The following DCLK1 variants were observed in gnomAD, a reference collection of about 807,000 sequenced individuals.
DCLK1 encodes doublecortin like kinase 1.
Under a neutral mutation model 86.2 loss-of-function variants are expected in DCLK1, and 16 were observed. That is an observed-to-expected ratio of 0.19 (90% CI 0.13 to 0.28). The LOEUF is 0.28. Ranked by LOEUF, DCLK1 falls within the 10% of genes least tolerant of loss-of-function variation. The pLI, the probability that DCLK1 is intolerant of heterozygous loss-of-function variation, is 1.00. For missense variants in DCLK1, 590 were observed against 940.2 expected (o/e 0.63, Z 4.87); for synonymous variants, 369 against 370.5 (o/e 1.00, Z 0.05).
chr13:36,063,664 G>A lies in DCLK1; in HGVS notation c.723+48205C>T, dbSNP rs1326557325. Among the ~76,000 whole-genome samples, 4 of 152,178 alleles carry A rather than the reference G, an allele frequency of 2.6e-5. 1 individual carries two copies. Among genetic ancestry groups the A allele is most frequent in the Non-Finnish European group, 5.9e-5 (4 of 68,014 alleles). On this transcript the variant is annotated intron_variant, in intron 3 of 16. Transcript: ENST00000360631. Reference sequence around the variant, plus strand: ...GGAATTAGGGAAATGGTCAGAATAGGAGAATTTGTTTCTTTTTACCTTTCT... The same window carrying A: ...GGAATTAGGGAAATGGTCAGAATAGAAGAATTTGTTTCTTTTTACCTTTCT...
chr13:36,046,793 T>C (rs546118887), intron 3 of DCLK1, among the ~76,000 whole-genome samples: 24 of 152,252 alleles, frequency 1.6e-4, no homozygotes, highest in Middle Eastern at 3.4e-3. Flanking sequence ...AGAATGAAAT[T>C]GAAATTTGAA....
rs574195469 is a variant in DCLK1 at position 35,886,495 on chromosome 13, C to T, written c.824-15155G>A. Among the ~76,000 whole-genome samples, 57 of 152,116 alleles carry T rather than the reference C, an allele frequency of 3.7e-4. 2 individuals carry two copies. The South Asian group carries it at 0.011, about 29-fold the overall frequency. On this transcript the variant is annotated intron_variant, in intron 4 of 16. Coordinates refer to ENST00000360631, the MANE Select transcript of DCLK1 (RefSeq NM_001330071.2). The stretch of plus-strand genomic sequence containing the variant: ...AAGCAAAGGATGTTAGAAAAAGCTC[C>T]CCCCGATGTTGCACAAGCAATGCCA...
intron 3 of DCLK1, among the ~76,000 whole-genome samples, chr13:36,030,083 T>C (rs1042564101): frequency 2.0e-5 from 3 of 152,084 alleles, no homozygotes; most frequent in South Asian, 4.1e-4. Context: ...TGCTTGAAAA[T>C]AGAGCACGTC....
At chr13:35,968,714 T>A (rs1878904895) in intron 3 of DCLK1, among the ~76,000 whole-genome samples, 1 of 152,130 alleles carries the variant, frequency 6.6e-6, no homozygotes, top group African/African-American at 2.4e-5. Flanking sequence ...AAGTTTCTGA[T>A]TTACAAGTAA....
At chr13:35,872,730 A>G (rs1251603868) in intron 4 of DCLK1, among the ~76,000 whole-genome samples, 1 of 146,414 alleles carries the variant, frequency 6.8e-6, no homozygotes, top group East Asian at 1.9e-4. Flanking sequence ...TTCCCCTTCA[A>G]TATCACTACC....
intron 3 of DCLK1, among the ~76,000 whole-genome samples, chr13:36,101,777 C>T (rs1049904779): frequency 2.0e-5 from 3 of 151,948 alleles, no homozygotes; most frequent in Admixed American, 1.3e-4. Context: ...CTCACTCTGT[C>T]GCCCAGGCTG....
chr13:35,946,686 T>G (rs1202610848), intron 4 of DCLK1, among the ~76,000 whole-genome samples: 3 of 152,220 alleles, frequency 2.0e-5, no homozygotes, highest in Admixed American at 1.3e-4. Flanking sequence ...TAATCTTTGT[T>G]TGGTAGAATA....
chr13:35,856,954 A>T (rs1871097125), intron 5 of DCLK1, among the ~76,000 whole-genome samples: 1 of 152,176 alleles, frequency 6.6e-6, no homozygotes, highest in African/African-American at 2.4e-5. Context: ...CTAAAATCTA[A>T]CCTAGGCAGT....
chr13:36,013,513 G>T (rs906859261), intron 3 of DCLK1, among the ~76,000 whole-genome samples: 1 of 152,150 alleles, frequency 6.6e-6, no homozygotes, highest in Non-Finnish European at 1.5e-5. Context: ...TGCCCCTGCT[G>T]GGGGGTGCCT....
intron 3 of DCLK1, among the ~76,000 whole-genome samples, chr13:35,955,680 CA>C (rs1286113856): frequency 1.3e-5 from 2 of 152,164 alleles, no homozygotes; most frequent in Non-Finnish European, 2.9e-5. Flanking sequence ...AACTATTTAA[CA>C]TCTTCAAGCC....
intron 5 of DCLK1, among the ~76,000 whole-genome samples, chr13:35,856,110 G>A (rs565004975): frequency 2.0e-5 from 3 of 152,154 alleles, no homozygotes; most frequent in Non-Finnish European, 4.4e-5. Context: ...GCATTAATTT[G>A]TAGTTTTGCT....
intron 15 of DCLK1, among the ~76,000 whole-genome samples, chr13:35,804,945 A>AG (rs1291147689): frequency 1.3e-5 from 2 of 152,200 alleles, no homozygotes; most frequent in African/African-American, 4.8e-5. Context: ...GCGTTTTAAC[A>AG]GGCTCTCCAG....
In DCLK1 at chr13:35,808,305, C is replaced by CTGG. The variant is rs779337418; in HGVS notation, c.1779_1781dup (p.Asp593_Gln594insHis). On this transcript the variant is annotated inframe_insertion, in exon 14 of 17. Coordinates refer to ENST00000360631, the MANE Select transcript of DCLK1 (RefSeq NM_001330071.2). ...TCAAAATCTGATCAAAAAGCACCTC[C>CTGG]TGGTCATCACCACTTCTGTTTAGGT... 6.2e-7 allele frequency: 1 copy of CTGG among 1,614,100 alleles called. No individual in the cohort carries two copies. Among genetic ancestry groups the CTGG allele is most frequent in the South Asian group, 1.1e-5 (1 of 91,084 alleles).
chr13:35,945,880 C>T (rs1877353265), intron 4 of DCLK1, among the ~76,000 whole-genome samples: 1 of 152,178 alleles, frequency 6.6e-6, no homozygotes, highest in South Asian at 2.1e-4. Context: ...GGATGCCAAA[C>T]CACTTGTCTA....
chr13:35,878,165 G>T (rs1003948812), intron 4 of DCLK1, among the ~76,000 whole-genome samples: 14 of 152,182 alleles, frequency 9.2e-5, no homozygotes, highest in African/African-American at 2.2e-4. Flanking sequence ...TCAGTCTCCA[G>T]CTTGTCTGCC....
intron 3 of DCLK1, among the ~76,000 whole-genome samples, chr13:35,991,027 C>T (rs1880195557): frequency 6.6e-6 from 1 of 152,138 alleles, no homozygotes; most frequent in South Asian, 2.1e-4. Flanking sequence ...GAGTTCAAAA[C>T]ATGCTACCCC....
chr13:35,959,987 A>AT (rs1878370805), intron 3 of DCLK1, among the ~76,000 whole-genome samples: 2 of 151,944 alleles, frequency 1.3e-5, no homozygotes. Context: ...TAGTCAACAG[A>AT]TTGTTTTCTG....
At chr13:35,954,931 G>A (rs1012306120) in intron 3 of DCLK1, among the ~76,000 whole-genome samples, 4 of 152,096 alleles carry the variant, frequency 2.6e-5, no homozygotes, top group Non-Finnish European at 4.4e-5. Context: ...ATAGAAAAAG[G>A]AAAAGTTCTC....
chr13:35,917,159 G>A (rs1336730600), intron 4 of DCLK1, among the ~76,000 whole-genome samples: 2 of 152,104 alleles, frequency 1.3e-5, no homozygotes, highest in Non-Finnish European at 2.9e-5. Flanking sequence ...AAACACACAG[G>A]TTGAACTGTT....
Sources: gnomAD v4.1 joint callset for allele counts (sites outside exome capture counted in the v4.1 genomes callset) on GRCh38, gnomAD v4.1.1 for gene constraint, MANE v1.5 for transcripts, NCBI Gene and HGNC (gene_info 2026-07-23, HGNC 2026-07-21) for gene names.